RBMS3: variants seen among roughly 807,000 people sequenced by gnomAD.
RBMS3 encodes RNA-binding motif, single-stranded-interacting protein 3.
In RBMS3, 27 loss-of-function variants were observed where a neutral mutation model predicts 66.8. That is an observed-to-expected ratio of 0.40 (90% CI 0.30 to 0.56). The LOEUF is 0.56. Ranked by LOEUF, RBMS3 falls within the 20% of genes least tolerant of loss-of-function variation. The pLI, the probability that RBMS3 is intolerant of heterozygous loss-of-function variation, is 0.40. For synonymous variants in RBMS3, 188 were observed against 183.0 expected (o/e 1.03, Z -0.22); for missense variants, 513 against 549.5 (o/e 0.93, Z 0.66).
chr3:29,570,533 T>A (rs1438775426), intron 3 of RBMS3, among the ~76,000 whole-genome samples: 1 of 152,154 alleles, frequency 6.6e-6, no homozygotes, highest in Non-Finnish European at 1.5e-5. Flanking sequence ...TGTGTTCAAT[T>A]GTTTTGATTT....
intron 2 of RBMS3, among the ~76,000 whole-genome samples, chr3:29,448,972 A>C (rs901630998): frequency 6.6e-6 from 1 of 152,186 alleles, no homozygotes; most frequent in Admixed American, 6.5e-5. Flanking sequence ...AACTATTGTA[A>C]TAAACACTTA....
At chr3:29,426,328 A>C (rs1463997736) in intron 1 of RBMS3, among the ~76,000 whole-genome samples, 4 of 152,202 alleles carry the variant, frequency 2.6e-5, no homozygotes, top group African/African-American at 9.6e-5. Flanking sequence ...CTAGCTTATA[A>C]ATTTATTAAT....
intron 5 of RBMS3, among the ~76,000 whole-genome samples, chr3:29,760,017 T>C (rs1240758271): frequency 1.3e-5 from 2 of 152,120 alleles, no homozygotes; most frequent in Non-Finnish European, 2.9e-5. Flanking sequence ...TAAATCTGAA[T>C]GAACCCAAAG....
At chr3:29,768,336 T>A (rs903116492) in intron 6 of RBMS3, among the ~76,000 whole-genome samples, 5 of 151,964 alleles carry the variant, frequency 3.3e-5, no homozygotes, top group Admixed American at 2.6e-4. Context: ...TGGAGCCACA[T>A]CTGACATTGT....
intron 12 of RBMS3, among the ~76,000 whole-genome samples, chr3:29,949,240 G>A (rs1346340136): frequency 2.0e-5 from 3 of 151,444 alleles, no homozygotes; most frequent in East Asian, 1.9e-4. Context: ...ATAGGTGGGT[G>A]TAAAATTCTA....
chr3:29,416,917 A>G (rs367859155), intron 1 of RBMS3, among the ~76,000 whole-genome samples: 1 of 152,274 alleles, frequency 6.6e-6, no homozygotes, highest in East Asian at 1.9e-4. Context: ...ATAACAAGTT[A>G]TAAGCTATTA....
At chr3:29,457,259 CCTTT>C (rs2042222275) in intron 2 of RBMS3, among the ~76,000 whole-genome samples, 1 of 152,204 alleles carries the variant, frequency 6.6e-6, no homozygotes, top group Admixed American at 6.5e-5. Context: ...CCTCATCCTT[CCTTT>C]GACTACCTCC....
At chr3:29,994,082 C>T (rs1190513345) in intron 14 of RBMS3, among the ~76,000 whole-genome samples, 1 of 152,126 alleles carries the variant, frequency 6.6e-6, no homozygotes, top group Non-Finnish European at 1.5e-5. Flanking sequence ...GCACCGTGCG[C>T]AAGCCGAAGC....
chr3:29,988,776 GAAGGAAGAA>G (rs1265813677), intron 13 of RBMS3, among the ~76,000 whole-genome samples: 3 of 152,012 alleles, frequency 2.0e-5, no homozygotes, highest in Non-Finnish European at 4.4e-5. Flanking sequence ...AGGAAGATCA[GAAGGAAGAA>G]AAGGAAAAAA....
intron 4 of RBMS3, among the ~76,000 whole-genome samples, chr3:29,706,234 A>G (rs2052885572): frequency 6.6e-6 from 1 of 152,208 alleles, no homozygotes. Context: ...TCTAGTCCTG[A>G]CATTCATAAT....
chr3:29,435,413 C>G (rs1268587479), intron 2 of RBMS3, among the ~76,000 whole-genome samples: 1 of 152,160 alleles, frequency 6.6e-6, no homozygotes, highest in African/African-American at 2.4e-5. Context: ...CCTCTAGTTT[C>G]TTTGAAAACA....
At chr3:29,409,508 A>G (rs1347084292) in intron 1 of RBMS3, among the ~76,000 whole-genome samples, 2 of 152,248 alleles carry the variant, frequency 1.3e-5, no homozygotes. Context: ...ACATCAGGAA[A>G]TTATGTTGTT....
intron 4 of RBMS3, chr3:29,698,122 G>A: frequency 3.7e-6 from 3 of 805,710 alleles, no homozygotes; most frequent in Non-Finnish European, 3.0e-6. Context: ...GAAGGGACAG[G>A]CTTGTGGCTG....
chr3:29,512,787 CA>C (rs2044466185), intron 3 of RBMS3, among the ~76,000 whole-genome samples: 1 of 152,176 alleles, frequency 6.6e-6, no homozygotes, highest in South Asian at 2.1e-4. Flanking sequence ...ATACTGTGTG[CA>C]CTGGGCTTCC....
At chr3:29,720,918 T>G (rs2053617438) in intron 4 of RBMS3, among the ~76,000 whole-genome samples, 1 of 152,134 alleles carries the variant, frequency 6.6e-6, no homozygotes, top group Non-Finnish European at 1.5e-5. Context: ...AAGTAAATGA[T>G]GCTTTTAAAC....
intron 2 of RBMS3, among the ~76,000 whole-genome samples, chr3:29,473,204 T>C (rs1320327167): frequency 3.3e-5 from 5 of 151,804 alleles, no homozygotes; most frequent in Non-Finnish European, 5.9e-5. Context: ...AGAGTGTCGA[T>C]TGGTGCATTC....
intron 4 of RBMS3, among the ~76,000 whole-genome samples, chr3:29,711,035 C>A (rs536238666): frequency 6.6e-6 from 1 of 152,198 alleles, no homozygotes; most frequent in East Asian, 1.9e-4. Context: ...GTTCCAAGCC[C>A]CCCAGTGGAT....
intron 6 of RBMS3, among the ~76,000 whole-genome samples, chr3:29,827,219 G>A (rs1005923012): frequency 1.3e-5 from 2 of 152,234 alleles, no homozygotes; most frequent in African/African-American, 2.4e-5. Flanking sequence ...AGAAGCCCCT[G>A]TACTTCCCCT....
At chr3:29,390,608 C>A (rs529754396) in intron 1 of RBMS3, among the ~76,000 whole-genome samples, 2 of 152,122 alleles carry the variant, frequency 1.3e-5, no homozygotes, top group East Asian at 1.9e-4. Flanking sequence ...ATATATACAA[C>A]CTTTCTGAAG....
Sources: allele counts gnomAD v4.1 joint callset (sites outside exome capture counted in the v4.1 genomes callset), GRCh38; gene constraint gnomAD v4.1.1; transcripts MANE v1.5; gene names NCBI Gene and HGNC (gene_info 2026-07-23, HGNC 2026-07-21).